Variants in GBE1 observed in about 807,000 individuals in gnomAD.
GBE1 encodes 1,4-alpha-glucan branching enzyme 1, also known as 1,4-alpha-glucan-branching enzyme.
A neutral mutation model predicts 88.8 loss-of-function variants in GBE1; 70 were observed. The ratio of observed to expected loss-of-function variants is 0.79; its 90% CI spans 0.65 to 0.96. The LOEUF (loss-of-function observed/expected upper bound fraction) is 0.96. GBE1 is among the 40% of genes least tolerant of loss of function. The pLI is 0.00. For missense variants in GBE1, 872 were observed against 871.0 expected, an observed-to-expected ratio of 1.00 and a Z score of -0.01; for synonymous variants, 284 against 300.1, an observed-to-expected ratio of 0.95 and a Z score of 0.56.
intron 2 of GBE1, among the ~76,000 whole-genome samples, chr3:81,690,325 C>T (rs146534440): frequency 2.7e-4 from 41 of 152,288 alleles, no homozygotes; most frequent in African/African-American, 8.4e-4. Context: ...TACTAAGCTT[C>T]GCAAAGAAAT....
At chr3:81,755,806 C>T (rs919271994) in intron 1 of GBE1, among the ~76,000 whole-genome samples, 2 of 151,534 alleles carry the variant, frequency 1.3e-5, no homozygotes, top group African/African-American at 4.9e-5. Context: ...TTGGAGGTTA[C>T]CAGAGGCTGG....
At chr3:81,660,754 G>A (rs1345454320) in intron 3 of GBE1, among the ~76,000 whole-genome samples, 3 of 151,764 alleles carry the variant, frequency 2.0e-5, no homozygotes, top group Non-Finnish European at 2.9e-5. Context: ...ACTTTAAATT[G>A]AAGAAAGTTA....
chr3:81,597,030 C>T (rs1422023112), intron 7 of GBE1, among the ~76,000 whole-genome samples: 1 of 151,822 alleles, frequency 6.6e-6, no homozygotes, highest in Non-Finnish European at 1.5e-5. Flanking sequence ...ATGAATTATT[C>T]CAGATTGTGA....
rs146977557 is a variant in GBE1, at chr3:81,592,480, T to G, written c.1109-1316A>C. Reference sequence around the variant, plus strand: ...GATAAATTTCCCTTTATTACTGAGTTTATAAATCAAATACTGTGTCTTGAT... The same window carrying G: ...GATAAATTTCCCTTTATTACTGAGTGTATAAATCAAATACTGTGTCTTGAT... On this transcript the variant is annotated intron_variant, in intron 8 of 15. Coordinates refer to ENST00000429644, the MANE Select transcript of GBE1 (RefSeq NM_000158.4). Among the ~76,000 whole-genome samples the G allele has an allele frequency of 3.8e-3, 575 of 152,258 alleles. 1 individual carries two copies. Among genetic ancestry groups the G allele is most frequent in the African/African-American group, 0.013 (556 of 41,556 alleles).
intron 15 of GBE1, among the ~76,000 whole-genome samples, chr3:81,493,693 C>T (rs541616259): frequency 6.4e-4 from 98 of 151,968 alleles, no homozygotes; most frequent in Non-Finnish European, 1.1e-3. Context: ...CCACCACACC[C>T]GGCTAATTTT....
chr3:81,565,432 C>T (rs956631974), intron 12 of GBE1, among the ~76,000 whole-genome samples: 25 of 152,112 alleles, frequency 1.6e-4, no homozygotes, highest in African/African-American at 5.8e-4. Context: ...ACAAGTTTGA[C>T]ACTAAACAAC....
At chr3:81,668,690 C>A (rs1352751980) in intron 3 of GBE1, among the ~76,000 whole-genome samples, 2 of 152,110 alleles carry the variant, frequency 1.3e-5, no homozygotes, top group African/African-American at 4.8e-5. Context: ...TCATACAGAG[C>A]CCTCTTTGAG....
intron 3 of GBE1, 84 bp from the exon 4 acceptor site, chr3:81,650,005 T>A (rs890941670): frequency 1.9e-5 from 20 of 1,071,980 alleles, no homozygotes; most frequent in Non-Finnish European, 2.8e-5. Flanking sequence ...CTGCTACAAG[T>A]AGGAAAGGAG....
At chr3:81,597,350 ACC>A (rs1703969683) in intron 7 of GBE1, among the ~76,000 whole-genome samples, 1 of 151,242 alleles carries the variant, frequency 6.6e-6, no homozygotes, top group Non-Finnish European at 1.5e-5. Context: ...GTCTTTACAA[ACC>A]ACTTACTGTC....
At chr3:81,715,305 G>A (rs893251734) in intron 1 of GBE1, among the ~76,000 whole-genome samples, 1 of 152,190 alleles carries the variant, frequency 6.6e-6, no homozygotes, top group African/African-American at 2.4e-5. Context: ...AACTGGGGAT[G>A]TGATGACCCA....
At chr3:81,710,230 A>ATTTTTTTTT (rs375326721) in intron 1 of GBE1, among the ~76,000 whole-genome samples, 21 of 74,696 alleles carry the variant, frequency 2.8e-4, no homozygotes, top group Non-Finnish European at 4.2e-4. Context: ...AAGGTAATTA[A>ATTTTTTTTT]TCTTTTTTTT....
intron 2 of GBE1, among the ~76,000 whole-genome samples, chr3:81,704,563 AT>A (rs1422406105): frequency 2.0e-5 from 3 of 152,066 alleles, no homozygotes; most frequent in Non-Finnish European, 2.9e-5. Flanking sequence ...CTAAAACGTC[AT>A]AAAAATTGAA....
chr3:81,620,380 C>T (rs978025179), intron 7 of GBE1, among the ~76,000 whole-genome samples: 1 of 151,982 alleles, frequency 6.6e-6, no homozygotes, highest in African/African-American at 2.4e-5. Flanking sequence ...GATGGGGTTT[C>T]ACTCTGTTGG....
intron 7 of GBE1, among the ~76,000 whole-genome samples, chr3:81,594,733 G>T (rs911705918): frequency 6.6e-6 from 1 of 151,882 alleles, no homozygotes; most frequent in South Asian, 2.1e-4. Context: ...TAAAAAGAGA[G>T]GGAAAACAAA....
chr3:81,573,211 G>A (rs1251136699), intron 12 of GBE1, among the ~76,000 whole-genome samples: 5 of 152,060 alleles, frequency 3.3e-5, no homozygotes, highest in Non-Finnish European at 7.4e-5. Context: ...TTGCCAATCA[G>A]AATGGCATGT....
At chr3:81,725,565 A>G (rs1057393936) in intron 1 of GBE1, among the ~76,000 whole-genome samples, 1 of 152,220 alleles carries the variant, frequency 6.6e-6, no homozygotes, top group African/African-American at 2.4e-5. Context: ...ATAACAATTT[A>G]AAGTATAGTA....
intron 7 of GBE1, among the ~76,000 whole-genome samples, chr3:81,611,131 A>G (rs1704177021): frequency 6.6e-6 from 1 of 152,188 alleles, no homozygotes; most frequent in African/African-American, 2.4e-5. Flanking sequence ...ATAGGAGTCT[A>G]GAAGACAGAA....
chr3:81,630,774 T>C (rs986343067), intron 7 of GBE1, among the ~76,000 whole-genome samples: 3 of 152,194 alleles, frequency 2.0e-5, no homozygotes, highest in Non-Finnish European at 4.4e-5. Flanking sequence ...TGGTTTACCA[T>C]TGATTACATG....
At position 81,670,842 on chromosome 3, in the gene GBE1, A is replaced by T; in HGVS notation, c.425T>A (p.Leu142Ter). 6.6e-7 allele frequency: 1 copy of T among 1,514,318 alleles called. No homozygotes were observed. Among genetic ancestry groups the T allele is most frequent in the Non-Finnish European group, 8.9e-7 (1 of 1,126,560 alleles). 93.8% of individuals were successfully genotyped at this position (1,514,318 alleles called of 1,614,324 possible). A position where few individuals can be genotyped will look rare whatever the true frequency, so the allele number is the denominator to read the frequency against. The change falls in exon 3 of 16, where the codon TTA (leucine) becomes TAA (stop). Residue 142 changes from leucine (L) to a stop codon, truncating the protein, a stop_gained. Transcript: ENST00000429644. LOFTEE classifies it high-confidence loss of function. ...AAATAGGAGGGAGGAAAGTACCTTT[A>T]ATTTGGATCCATGAGGCACGAGTAC... ...KSVLVPHGSK[L>*]KVVITSKSGE...
Sources: allele counts gnomAD v4.1 joint callset (sites outside exome capture counted in the v4.1 genomes callset), GRCh38; gene constraint gnomAD v4.1.1; transcripts MANE v1.5; gene names NCBI Gene and HGNC (gene_info 2026-07-23, HGNC 2026-07-21).